FRAS1: variants seen among roughly 807,000 people sequenced by gnomAD.
The protein encoded by FRAS1 is extracellular matrix organizing protein FRAS1.
Under a neutral mutation model 435.2 loss-of-function variants are expected in FRAS1, and 290 were observed. The ratio of observed to expected loss-of-function variants is 0.67; its 90% CI spans 0.61 to 0.73. FRAS1 has a LOEUF of 0.73. Ranked by LOEUF, FRAS1 falls within the 30% of genes least tolerant of loss-of-function variation. FRAS1 has a pLI of 0.00. For synonymous variants in FRAS1, 1,800 were observed against 1,851.0 expected (o/e 0.97, Z 0.71); for missense variants, 4,860 against 5,001.5 (o/e 0.97, Z 0.85).
At chr4:78,174,682 T>A (rs1304906413) in intron 2 of FRAS1, among the ~76,000 whole-genome samples, 1 of 152,208 alleles carries the variant, frequency 6.6e-6, no homozygotes, top group South Asian at 2.1e-4. Context: ...TCACCTGGAA[T>A]ATAATTTGTC....
At chr4:78,485,018 A>G (rs1158158370) in intron 58 of FRAS1, among the ~76,000 whole-genome samples, 1 of 152,262 alleles carries the variant, frequency 6.6e-6, no homozygotes, top group East Asian at 1.9e-4. Flanking sequence ...GCATGAAATG[A>G]CCATTAATTT....
intron 2 of FRAS1, among the ~76,000 whole-genome samples, chr4:78,165,444 T>G (rs1721298159): frequency 6.6e-6 from 1 of 152,218 alleles, no homozygotes; most frequent in Non-Finnish European, 1.5e-5. Flanking sequence ...AGTTTGAATT[T>G]TAGCTTTAAG....
chr4:78,113,752 CA>C (rs963103294), intron 2 of FRAS1, among the ~76,000 whole-genome samples: 13 of 152,086 alleles, frequency 8.5e-5, no homozygotes, highest in African/African-American at 3.1e-4. Context: ...GAGTAGATTG[CA>C]AAAATTTTCT....
chr4:78,473,539 G>A lies in FRAS1; in HGVS notation c.7624G>A (p.Val2542Met). Residue 2542 changes from valine (V) to methionine (M), a missense_variant, in exon 53 of 74, where the codon GTG becomes ATG. Physicochemically the swap from Val to Met is conservative, Grantham distance 21. Coordinates refer to ENST00000512123, the MANE Select transcript of FRAS1 (RefSeq NM_025074.7). ...QFLVKDSKPN[V>M]VSDNVFHIQW... ...TCTGGTGAAAGACAGTAAACCCAATGTGGTCAGCGACAATGTCTTCCATAT... is the reference window on the plus strand; with the variant it reads ...TCTGGTGAAAGACAGTAAACCCAATATGGTCAGCGACAATGTCTTCCATAT... 1 of 1,613,048 alleles carries A rather than the reference G, an allele frequency of 6.2e-7. No individual in the cohort carries two copies. Among genetic ancestry groups the A allele is most frequent in the Non-Finnish European group, 8.5e-7 (1 of 1,179,372 alleles).
chr4:78,285,847 C>T (rs1254345236), intron 13 of FRAS1, among the ~76,000 whole-genome samples: 3 of 152,146 alleles, frequency 2.0e-5, no homozygotes, highest in Admixed American at 2.0e-4. Flanking sequence ...GTCTAGGATA[C>T]AGTGAAGGAT....
intron 67 of FRAS1, among the ~76,000 whole-genome samples, chr4:78,520,243 TTTTG>T (rs1458368348): frequency 7.3e-6 from 1 of 137,682 alleles, no homozygotes; most frequent in Admixed American, 7.8e-5. Context: ...TCTTGGTTAT[TTTTG>T]TTTTTCTTGT....
chr4:78,347,786 TG>T (rs11284976), intron 20 of FRAS1, among the ~76,000 whole-genome samples: 48,488 of 115,008 alleles, frequency 0.42, 9,691 homozygotes, highest in African/African-American at 0.46. Flanking sequence ...TGTGTGTGTG[TG>T]TTTTTTTTTT....
intron 2 of FRAS1, among the ~76,000 whole-genome samples, chr4:78,183,445 A>C (rs939803191): frequency 6.6e-6 from 1 of 152,186 alleles, no homozygotes; most frequent in Non-Finnish European, 1.5e-5. Context: ...CCACCTATGC[A>C]GATTGGTGGT....
At chr4:78,365,754 A>AC (rs1731243951) in intron 22 of FRAS1, among the ~76,000 whole-genome samples, 1 of 122,302 alleles carries the variant, frequency 8.2e-6, no homozygotes, top group African/African-American at 4.0e-5. Flanking sequence ...AAAAAAACAA[A>AC]AAAAAAAAAC....
intron 59 of FRAS1, among the ~76,000 whole-genome samples, chr4:78,489,824 C>A (rs1285851960): frequency 6.6e-6 from 1 of 152,096 alleles, no homozygotes; most frequent in Non-Finnish European, 1.5e-5. Context: ...ACCTGCACCC[C>A]TGTCCCAGGG....
intron 2 of FRAS1, among the ~76,000 whole-genome samples, chr4:78,178,485 C>T (rs1191559817): frequency 6.6e-6 from 1 of 152,162 alleles, no homozygotes; most frequent in Non-Finnish European, 1.5e-5. Context: ...CATTTCTGAA[C>T]CAGGGTATAA....
intron 15 of FRAS1, among the ~76,000 whole-genome samples, chr4:78,312,855 A>AG (rs1729081760): frequency 4.0e-5 from 3 of 75,248 alleles, no homozygotes; most frequent in African/African-American, 2.8e-4. Context: ...GAAAGAAAGA[A>AG]AGAAAGAGAG....
intron 14 of FRAS1, among the ~76,000 whole-genome samples, chr4:78,292,455 G>A (rs1469600644): frequency 6.6e-6 from 1 of 152,148 alleles, no homozygotes; most frequent in Non-Finnish European, 1.5e-5. Flanking sequence ...TTTAAAAGCT[G>A]TGGCCTGAGC....
intron 20 of FRAS1, among the ~76,000 whole-genome samples, chr4:78,340,508 C>G (rs919366659): frequency 6.6e-6 from 1 of 152,182 alleles, no homozygotes; most frequent in Non-Finnish European, 1.5e-5. Context: ...ACAGATTCAT[C>G]AAACATTTAT....
chr4:78,086,604 ATCCC>A (rs1280788888), intron 2 of FRAS1, among the ~76,000 whole-genome samples: 1 of 152,200 alleles, frequency 6.6e-6, no homozygotes, highest in South Asian at 2.1e-4. Flanking sequence ...ATCACCACCA[ATCCC>A]ACAGAAATAC....
In FRAS1 at chr4:78,519,397, A is replaced by T; in HGVS notation, c.10456A>T (p.Thr3486Ser). ...TCTATATGTGTCCTACATCTATGTG[A>T]CAGCCCCCAGGGGCTGGGCCTCCTT... The part of the protein sequence containing the change: ...VPLYVSYIYV[T>S]APRGWASLEH... Residue 3486 changes from threonine to serine, a missense_variant, in exon 67 of 74, where the codon ACA becomes TCA. Physicochemically the swap from Thr to Ser is moderately conservative, Grantham distance 58. Transcript: ENST00000512123. 1.2e-6 allele frequency: 2 copies of T among 1,610,420 alleles called. No individual in the cohort carries two copies. Among genetic ancestry groups the T allele is most frequent in the Non-Finnish European group, 1.7e-6 (2 of 1,178,664 alleles).
intron 18 of FRAS1, among the ~76,000 whole-genome samples, chr4:78,323,490 C>A (rs992067683): frequency 1.3e-5 from 2 of 152,182 alleles, no homozygotes; most frequent in African/African-American, 4.8e-5. Flanking sequence ...TAATAAAAAC[C>A]TGCATCCCCC....
intron 2 of FRAS1, among the ~76,000 whole-genome samples, chr4:78,083,597 A>G (rs1740999082): frequency 6.7e-6 from 1 of 149,052 alleles, no homozygotes; most frequent in African/African-American, 2.5e-5. Flanking sequence ...ATTGTTTAAG[A>G]CACTTATTTT....
intron 41 of FRAS1, among the ~76,000 whole-genome samples, chr4:78,443,476 T>C (rs1436526918): frequency 6.6e-6 from 1 of 152,218 alleles, no homozygotes; most frequent in Non-Finnish European, 1.5e-5. Flanking sequence ...AGAATAATTG[T>C]TTTGTTAGGT....
Sources: allele counts gnomAD v4.1 joint callset (sites outside exome capture counted in the v4.1 genomes callset), GRCh38; gene constraint gnomAD v4.1.1; transcripts MANE v1.5; gene names NCBI Gene and HGNC (gene_info 2026-07-23, HGNC 2026-07-21).